Variants in MIPOL1 observed in about 807,000 individuals in gnomAD.
The protein encoded by MIPOL1 is mirror-image polydactyly gene 1 protein.
A neutral mutation model predicts 60.9 loss-of-function variants in MIPOL1; 57 were observed. That is an observed-to-expected ratio of 0.94 (90% CI 0.76 to 1.17). MIPOL1 has a LOEUF of 1.17. Among genes scored for constraint, MIPOL1 ranks in the 50% most tolerant of loss-of-function variants. The probability of loss-of-function intolerance (pLI) is 0.00; values close to 1 mark genes in which losing one functional copy is unlikely to be tolerated. For synonymous variants in MIPOL1, 179 were observed against 168.8 expected (o/e 1.06, Z -0.47); for missense variants, 551 against 511.6 (o/e 1.08, Z -0.74).
intron 9 of MIPOL1, among the ~76,000 whole-genome samples, chr14:37,313,325 G>A (rs1274059068): frequency 6.6e-6 from 1 of 152,092 alleles, no homozygotes; most frequent in Non-Finnish European, 1.5e-5. Context: ...AGTAATTCAA[G>A]TAATTATTCC....
chr14:37,390,018 G>T (rs556195304), intron 10 of MIPOL1, among the ~76,000 whole-genome samples: 17 of 151,726 alleles, frequency 1.1e-4, no homozygotes, highest in African/African-American at 3.6e-4. Flanking sequence ...TGCTCAACAG[G>T]GTGAAACCCT....
intron 12 of MIPOL1, among the ~76,000 whole-genome samples, chr14:37,522,763 G>C (rs1218600197): frequency 6.6e-6 from 1 of 152,062 alleles, no homozygotes; most frequent in Non-Finnish European, 1.5e-5. Context: ...TAAATTGTTT[G>C]TACTATTGCT....
intron 7 of MIPOL1, among the ~76,000 whole-genome samples, chr14:37,291,343 T>C (rs926334177): frequency 6.6e-6 from 1 of 152,362 alleles, no homozygotes; most frequent in Middle Eastern, 3.4e-3. Context: ...TATTTTAATC[T>C]GCTTTTGCAT....
At chr14:37,216,246 T>C (rs1242613069) in intron 1 of MIPOL1, among the ~76,000 whole-genome samples, 1 of 152,084 alleles carries the variant, frequency 6.6e-6, no homozygotes, top group Non-Finnish European at 1.5e-5. Context: ...CAATTTAAAA[T>C]ATATATGCAC....
chr14:37,218,538 G>A (rs1968153077), intron 1 of MIPOL1, among the ~76,000 whole-genome samples: 1 of 151,800 alleles, frequency 6.6e-6, no homozygotes, highest in East Asian at 1.9e-4. Flanking sequence ...CCCAGAATAG[G>A]GTCTATTTTG....
chr14:37,242,182 A>G (rs745806512), intron 1 of MIPOL1, among the ~76,000 whole-genome samples: 3 of 151,922 alleles, frequency 2.0e-5, no homozygotes, highest in African/African-American at 7.2e-5. Context: ...CATGCACCCA[A>G]TTAAAAAACC....
intron 11 of MIPOL1, among the ~76,000 whole-genome samples, chr14:37,487,741 A>C (rs191472510): frequency 5.3e-5 from 8 of 151,978 alleles, no homozygotes; most frequent in African/African-American, 1.9e-4. Flanking sequence ...CTTCTTTATT[A>C]GTCTGGCTAG....
chr14:37,347,507 G>A (rs2091028267), intron 9 of MIPOL1, among the ~76,000 whole-genome samples: 1 of 152,088 alleles, frequency 6.6e-6, no homozygotes, highest in South Asian at 2.1e-4. Flanking sequence ...GATCTAATAT[G>A]GCCAATATGA....
chr14:37,520,012 A>G (rs2095401335), intron 12 of MIPOL1, among the ~76,000 whole-genome samples: 1 of 152,172 alleles, frequency 6.6e-6, no homozygotes, highest in Admixed American at 6.5e-5. Context: ...CAATCATCAT[A>G]TCTATCAACA....
At chr14:37,200,879 T>C (rs1438685133) in intron 1 of MIPOL1, among the ~76,000 whole-genome samples, 1 of 107,092 alleles carries the variant, frequency 9.3e-6, no homozygotes, top group South Asian at 2.9e-4. Context: ...TGTGTGTGTG[T>C]GTGTGTGTGT....
intron 9 of MIPOL1, among the ~76,000 whole-genome samples, chr14:37,353,375 GT>G (rs1276552453): frequency 2.4e-5 from 3 of 124,992 alleles, no homozygotes; most frequent in Non-Finnish European, 5.0e-5. Context: ...CTCTTTTTTT[GT>G]TGTGTCTCTG....
intron 6 of MIPOL1, 88 bp from the exon 7 acceptor site, chr14:37,285,230 T>A: frequency 7.2e-7 from 1 of 1,398,004 alleles, no homozygotes; most frequent in Non-Finnish European, 9.9e-7. Flanking sequence ...CTTACAGTAA[T>A]AATTACTTAT....
intron 9 of MIPOL1, among the ~76,000 whole-genome samples, chr14:37,367,578 C>T (rs904996062): frequency 6.6e-6 from 1 of 151,876 alleles, no homozygotes; most frequent in African/African-American, 2.4e-5. Context: ...CATTTCTTTT[C>T]TCCTGTATTC....
At chr14:37,367,576 T>C (rs552886981) in intron 9 of MIPOL1, among the ~76,000 whole-genome samples, 1 of 152,174 alleles carries the variant, frequency 6.6e-6, no homozygotes, top group South Asian at 2.1e-4. Flanking sequence ...TTCATTTCTT[T>C]TCTCCTGTAT....
chr14:37,395,771 C>G (rs193191659), intron 10 of MIPOL1, among the ~76,000 whole-genome samples: 3 of 152,222 alleles, frequency 2.0e-5, no homozygotes, highest in Admixed American at 2.0e-4. Context: ...TCTGATTGCT[C>G]TGGCTAGGAC....
intron 12 of MIPOL1, among the ~76,000 whole-genome samples, chr14:37,521,288 C>T: frequency 6.6e-6 from 1 of 152,092 alleles, no homozygotes; most frequent in Non-Finnish European, 1.5e-5. Context: ...AGAATATTTT[C>T]ACAAATAGCA....
intron 9 of MIPOL1, among the ~76,000 whole-genome samples, chr14:37,326,710 C>T (rs1567480461): frequency 6.6e-6 from 1 of 152,152 alleles, no homozygotes. Context: ...ATCATGTTTA[C>T]TGTGTTCATG....
At chr14:37,326,092 A>G (rs933318171) in intron 9 of MIPOL1, among the ~76,000 whole-genome samples, 1 of 152,206 alleles carries the variant, frequency 6.6e-6, no homozygotes, top group Non-Finnish European at 1.5e-5. Flanking sequence ...TCTTGGGCCC[A>G]TGAATCCTGG....
intron 11 of MIPOL1, among the ~76,000 whole-genome samples, chr14:37,451,210 C>A (rs2094412107): frequency 6.6e-6 from 1 of 152,290 alleles, no homozygotes; most frequent in African/African-American, 2.4e-5. Flanking sequence ...ACAAGTTAAT[C>A]TTCTTCCTTG....
Sources: allele counts gnomAD v4.1 joint callset (sites outside exome capture counted in the v4.1 genomes callset), GRCh38; gene constraint gnomAD v4.1.1; transcripts MANE v1.5; gene names NCBI Gene and HGNC (gene_info 2026-07-23, HGNC 2026-07-21).